Variants in KCNH2 observed in about 807,000 individuals in gnomAD.
The protein encoded by KCNH2 is potassium voltage-gated channel subfamily H member 2.
A neutral mutation model predicts 95.9 loss-of-function variants in KCNH2; 35 were observed. The ratio of observed to expected loss-of-function variants is 0.37; its 90% CI spans 0.28 to 0.48. The LOEUF is 0.48. KCNH2 is among the 20% of genes least tolerant of loss of function. The pLI is 0.99. For synonymous variants in KCNH2, 786 were observed against 754.7 expected, an observed-to-expected ratio of 1.04 and a Z score of -0.68; for missense variants, 1,274 against 1,702.9, an observed-to-expected ratio of 0.75 and a Z score of 4.43.
In KCNH2 at chr7:150,945,751, G is replaced by A. The variant is rs559224204; in HGVS notation, c.3331-237C>T. Among the ~76,000 whole-genome samples, 1 of 152,304 alleles carries A rather than the reference G, an allele frequency of 6.6e-6. No individual in the cohort carries two copies. Among genetic ancestry groups the A allele is most frequent in the South Asian group, 2.1e-4 (1 of 4,826 alleles). On this transcript the variant is annotated intron_variant, in intron 14 of 14. Coordinates refer to ENST00000262186, the MANE Select transcript of KCNH2 (RefSeq NM_000238.4). This position sits in a 1 kb window ranked among gnomAD's most constrained non-coding sequence, Gnocchi z 5.6. ...AGAGAAAGGCATTCTCTGAGAGCAGGAGCCAAACAAGAGAGCTGGGAGCAG... is the reference window on the plus strand; with the variant it reads ...AGAGAAAGGCATTCTCTGAGAGCAGAAGCCAAACAAGAGAGCTGGGAGCAG...
Position 150,955,600 on chromosome 7 carries a change from C to T in KCNH2, c.1128+1691G>A, listed in dbSNP as rs41311012. 5.7e-5 allele frequency: 82 copies of T among 1,440,722 alleles called. No individual in the cohort carries two copies. The Admixed American group carries it at 2.1e-3, about 37-fold the overall frequency. 89.2% of individuals were successfully genotyped at this position (1,440,722 alleles called of 1,614,324 possible). A position where few individuals can be genotyped will look rare whatever the true frequency, so the allele number is the denominator to read the frequency against. On this transcript the variant is annotated intron_variant, in intron 5 of 14. Coordinates refer to ENST00000262186, the MANE Select transcript of KCNH2 (RefSeq NM_000238.4). ...AGCAGCAGTCCCAGCCCAGGCTGCACCCCCGAGGCTGGCCGACTGGCAACC... is the reference window on the plus strand; with the variant it reads ...AGCAGCAGTCCCAGCCCAGGCTGCATCCCCGAGGCTGGCCGACTGGCAACC...
rs370764268 is a variant in KCNH2 at position 150,951,749 on chromosome 7, G to A, written c.1644C>T (p.Ala548=). The change falls in exon 7 of 15, where the codon GCC becomes GCT. Residue 548 remains alanine (A), a synonymous_variant. Coordinates refer to ENST00000262186, the MANE Select transcript of KCNH2 (RefSeq NM_000238.4). ...KLDRYSEYGA[A]VLFLLMCTFA... is the part of the protein sequence containing the mutation. ...AGGTGCACATGAGCAAGAACAGCACGGCCGCGCCGTACTCTGAGTAGCGAT... is the reference window on the plus strand; with the variant it reads ...AGGTGCACATGAGCAAGAACAGCACAGCCGCGCCGTACTCTGAGTAGCGAT... 2.9e-5 allele frequency: 46 copies of A among 1,610,386 alleles called. No homozygotes were observed. In the East Asian group the frequency reaches 2.9e-4, roughly 10 times the overall value.
intron 5 of KCNH2, among the ~76,000 whole-genome samples, chr7:150,953,313 A>G (rs1159991469): frequency 6.6e-6 from 1 of 152,184 alleles, no homozygotes; most frequent in Admixed American, 6.5e-5. Flanking sequence ...TAGTCACTGC[A>G]GTTCTTACCA....
At chr7:150,951,269 C>A in intron 7 of KCNH2, 149 bp from the exon 8 acceptor site, 1 of 1,005,468 alleles carries the variant, frequency 9.9e-7, no homozygotes, top group Non-Finnish European at 1.5e-6. Context: ...CTCCAGCACA[C>A]CCCACCCTTC....
chr7:150,953,540 G>A (rs1209173535), intron 5 of KCNH2, among the ~76,000 whole-genome samples: 3 of 152,136 alleles, frequency 2.0e-5, no homozygotes, highest in Non-Finnish European at 2.9e-5. Context: ...ACAGAGGGAC[G>A]TGCACACAGG....
intron 1 of KCNH2, among the ~76,000 whole-genome samples, chr7:150,975,596 C>T (rs1436110646): frequency 7.1e-6 from 1 of 139,884 alleles, no homozygotes; most frequent in Non-Finnish European, 1.6e-5. Context: ...GACGCTGCAT[C>T]TCATTAGGTC....
rs1217847609 is a variant in KCNH2 at position 150,952,310 on chromosome 7, T to TTCTCTCTC, written c.1557+107_1557+114dup. On this transcript the variant is annotated intron_variant, in intron 6 of 14. Coordinates refer to ENST00000262186, the MANE Select transcript of KCNH2 (RefSeq NM_000238.4). This position sits in a 1 kb window ranked among gnomAD's most constrained non-coding sequence, Gnocchi z 7.3. Reference sequence around the variant, plus strand: ...TCTCTCTCCCACTGTCTTTCTCTCTTTCTCTCTCTCTCTCTTTTTCTCTGT... The same window carrying TTCTCTCTC: ...TCTCTCTCCCACTGTCTTTCTCTCTTTCTCTCTCTCTCTCTCTCTCTCTTTTTCTCTGT... 1.5e-4 allele frequency: 160 copies of TTCTCTCTC among 1,087,136 alleles called. 1 individual carries two copies. The highest frequency in any genetic ancestry group is 1.1e-3 in the South Asian group (83 of 72,862). 67.3% of individuals were successfully genotyped at this position (1,087,136 alleles called of 1,614,324 possible). A position where few individuals can be genotyped will look rare whatever the true frequency, so the allele number is the denominator to read the frequency against.
intron 3 of KCNH2, 33 bp downstream of exon 3, chr7:150,959,538 AC>A: frequency 6.2e-7 from 1 of 1,611,036 alleles, no homozygotes; most frequent in Non-Finnish European, 8.5e-7. Context: ...GAGACCACGA[AC>A]CCCTGAGCCT....
chr7:150,948,574 C>T, intron 10 of KCNH2, 31 bp from the exon 11 acceptor site: 2 of 1,574,686 alleles, frequency 1.3e-6, no homozygotes, highest in Non-Finnish European at 1.7e-6. Context: ...AGGGCCCTTT[C>T]AGTGCTCTCC....
Position 150,947,610 on chromosome 7 carries a change from C to G in KCNH2, c.2961G>C (p.Leu987=), listed in dbSNP as rs771002653. The change falls in exon 12 of 15, where the codon CTG becomes CTC. Residue 987 remains leucine (L), a synonymous_variant. Coordinates refer to ENST00000262186, the MANE Select transcript of KCNH2 (RefSeq NM_000238.4). ...CCCGCCCGTCGCCCGGGATACCTGA[C>G]AGGGGGTTGCAAGTGTCGCTGCTCT... The part of the protein sequence containing the change: ...CEKSSDTCNP[L]SGAFSGVSNI... The G allele has an allele frequency of 6.2e-7, 1 of 1,612,664 alleles. No individual in the cohort carries two copies. Among genetic ancestry groups the G allele is most frequent in the Non-Finnish European group, 8.5e-7 (1 of 1,179,556 alleles).
At chr7:150,947,230 G>GCA in intron 13 of KCNH2, 98 bp downstream of exon 13, 1 of 1,184,820 alleles carries the variant, frequency 8.4e-7, no homozygotes, top group Non-Finnish European at 1.2e-6. Context: ...TCCAGCTGCT[G>GCA]CACACACAGA....
intron 2 of KCNH2, among the ~76,000 whole-genome samples, chr7:150,971,542 G>A (rs1401081680): frequency 1.3e-5 from 2 of 152,110 alleles, no homozygotes; most frequent in African/African-American, 2.4e-5. Flanking sequence ...GCCAGTCAGA[G>A]GTATGAGCAG....
chr7:150,962,963 A>G lies in KCNH2; in HGVS notation c.308-3227T>C, dbSNP rs1801607220. On this transcript the variant is annotated intron_variant, in intron 2 of 14. Coordinates refer to ENST00000262186, the MANE Select transcript of KCNH2 (RefSeq NM_000238.4). This position sits in a 1 kb window ranked among gnomAD's most constrained non-coding sequence, Gnocchi z 5.7. Reference sequence around the variant, plus strand: ...CCTCCCAGCCAGACTCCATCCCACCACTGGCTGGGTTATGGGGGGATGGGA... The same window carrying G: ...CCTCCCAGCCAGACTCCATCCCACCGCTGGCTGGGTTATGGGGGGATGGGA... Among the ~76,000 whole-genome samples, 2 of 152,088 alleles carry G rather than the reference A, an allele frequency of 1.3e-5. No homozygotes were observed. The highest frequency in any genetic ancestry group is 4.1e-4 in the South Asian group (2 of 4,828).
rs1360466284 is a variant in KCNH2 at position 150,977,964 on chromosome 7, C to T, written c.-51G>A. 4 of 1,197,334 alleles carry T rather than the reference C, an allele frequency of 3.3e-6. No homozygotes were observed. Among genetic ancestry groups the T allele is most frequent in the South Asian group, 1.6e-5 (1 of 63,968 alleles). 74.2% of individuals were successfully genotyped at this position (1,197,334 alleles called of 1,614,324 possible). A position where few individuals can be genotyped will look rare whatever the true frequency, so the allele number is the denominator to read the frequency against. Reference sequence around the variant, plus strand: ...GGCCCCCACCCACCCCGGCCCGGCCCGGCCCAGCACTAGGCTTCGGGTGGC... The same window carrying T: ...GGCCCCCACCCACCCCGGCCCGGCCTGGCCCAGCACTAGGCTTCGGGTGGC... On this transcript the variant is annotated 5_prime_UTR_variant, in exon 1 of 15. Transcript: ENST00000262186.
At chr7:150,951,384 T>A (rs1801150708) in intron 7 of KCNH2, 64 bp downstream of exon 7, 1 of 1,600,396 alleles carries the variant, frequency 6.2e-7, no homozygotes, top group East Asian at 2.2e-5. Flanking sequence ...GCAGCCTCAG[T>A]TTCCTCCAAC....
At chr7:150,947,197 G>A in intron 13 of KCNH2, 131 bp downstream of exon 13, 3 of 1,120,952 alleles carry the variant, frequency 2.7e-6, no homozygotes, top group Non-Finnish European at 3.7e-6. Flanking sequence ...GCCCCCAGCT[G>A]GGCTAGGAAT....
chr7:150,954,941 C>T (rs1478665746), intron 5 of KCNH2, among the ~76,000 whole-genome samples: 5 of 152,350 alleles, frequency 3.3e-5, no homozygotes, highest in Admixed American at 3.3e-4. Flanking sequence ...CTCCTCGACC[C>T]CCCAAAACAG....
In KCNH2 at chr7:150,947,710, C is replaced by T. The variant is rs772977598; in HGVS notation, c.2861G>A (p.Arg954His). Reference protein sequence around the residue: ...EGPGRSSSPLRLVPFSSPRPP... With the variant: ...EGPGRSSSPLHLVPFSSPRPP... ...CCTGGGGCTGGAGAAGGGCACCAGG[C>T]GGAGGGGGCTGGAGCTGCGGCCTGG... Residue 954 changes from arginine to histidine, a missense_variant, in exon 12 of 15, where the codon CGC (arginine) becomes CAC (histidine). Physicochemically the swap from Arg to His is conservative, Grantham distance 29 (BLOSUM62 0). Coordinates refer to ENST00000262186, the MANE Select transcript of KCNH2 (RefSeq NM_000238.4). The T allele has an allele frequency of 1.4e-5, 22 of 1,585,020 alleles. No individual in the cohort carries two copies. The highest frequency in any genetic ancestry group is 1.8e-5 in the Admixed American group (1 of 56,164).
At chr7:150,977,086 G>A (rs1293411049) in intron 1 of KCNH2, among the ~76,000 whole-genome samples, 1 of 152,060 alleles carries the variant, frequency 6.6e-6, no homozygotes, top group Non-Finnish European at 1.5e-5. Context: ...CCTTCTAGAA[G>A]CCTCCCTACC....
Sources: gnomAD v4.1 joint callset for allele counts (sites outside exome capture counted in the v4.1 genomes callset) on GRCh38, gnomAD v4.1.1 for gene constraint, Gnocchi (gnomAD v3.1) non-coding constraint, MANE v1.5 for transcripts, NCBI Gene and HGNC (gene_info 2026-07-23, HGNC 2026-07-21) for gene names.